NDRG4: variants seen among roughly 807,000 people sequenced by gnomAD.
NDRG4 encodes the protein NDRG family member 4.
Under a neutral mutation model 55.8 loss-of-function variants are expected in NDRG4, and 38 were observed. The ratio of observed to expected loss-of-function variants is 0.68; its 90% CI spans 0.53 to 0.89. The LOEUF (loss-of-function observed/expected upper bound fraction) is 0.89, where lower values mean the gene tolerates loss of function less well. Among genes scored for constraint, NDRG4 ranks in the 40% least tolerant of loss-of-function variants. NDRG4 has a pLI of 0.00. For synonymous variants in NDRG4, 190 were observed against 182.7 expected, an observed-to-expected ratio of 1.04 and a Z score of -0.32; for missense variants, 455 against 468.6, an observed-to-expected ratio of 0.97 and a Z score of 0.27.
At chr16:58,507,750 C>G in intron 8 of NDRG4, 58 bp from the exon 9 acceptor site, 1 of 1,534,020 alleles carries the variant, frequency 6.5e-7, no homozygotes, top group South Asian at 1.1e-5. Context: ...GCTTGGGATG[C>G]CCCTCATCCT....
At chr16:58,509,038 A>G in intron 11 of NDRG4, 29 bp downstream of exon 11, 1 of 1,614,094 alleles carries the variant, frequency 6.2e-7, no homozygotes, top group South Asian at 1.1e-5. Flanking sequence ...GCCCTGGGCC[A>G]GCTTCCCTAG....
chr16:58,471,980 A>G (rs1321004494), intron 1 of NDRG4, among the ~76,000 whole-genome samples: 2 of 152,030 alleles, frequency 1.3e-5, no homozygotes, highest in South Asian at 2.1e-4. Flanking sequence ...GTGCACCCCA[A>G]ATTGTTTCCT....
intron 1 of NDRG4, among the ~76,000 whole-genome samples, chr16:58,477,772 AG>A (rs1443397599): frequency 1.9e-5 from 2 of 107,040 alleles, no homozygotes; most frequent in Non-Finnish European, 3.7e-5. Flanking sequence ...AGCAGGGGTA[AG>A]GGGGGTGGAG....
At chr16:58,467,846 G>A (rs924937790) in intron 1 of NDRG4, among the ~76,000 whole-genome samples, 11 of 152,336 alleles carry the variant, frequency 7.2e-5, no homozygotes, top group Non-Finnish European at 5.9e-5. Flanking sequence ...GATGACAGTC[G>A]TGGAGCTGGC....
chr16:58,471,970 G>C (rs757341346), intron 1 of NDRG4, among the ~76,000 whole-genome samples: 1 of 152,116 alleles, frequency 6.6e-6, no homozygotes, highest in African/African-American at 2.4e-5. Flanking sequence ...ATCATACCCT[G>C]TGCACCCCAA....
rs1470474800 is a variant in NDRG4, at chr16:58,513,166, A to ATGTGTGTGTGTGTGTG, written c.*1591_*1592insGTGTGTGTGTGTGTGT. The ATGTGTGTGTGTGTGTG allele has an allele frequency of 4.2e-5, 2 of 47,282 alleles. No homozygotes were observed. The highest frequency in any genetic ancestry group is 2.0e-3 in the East Asian group (2 of 1,000). 2.9% of individuals were successfully genotyped at this position (47,282 alleles called of 1,614,324 possible). A position where few individuals can be genotyped will look rare whatever the true frequency, so the allele number is the denominator to read the frequency against. ...ATGTATCTATAAATATCTATACATT[A>ATGTGTGTGTGTGTGTG]TATGTGTGTGTGTGTGTGTGTGTGT... On this transcript the variant is annotated 3_prime_UTR_variant, in exon 15 of 15. Coordinates refer to ENST00000570248, the MANE Select transcript of NDRG4 (RefSeq NM_001242835.2).
Position 58,504,368 on chromosome 16 carries a change from C to A in NDRG4, c.258C>A (p.Phe86Leu), listed in dbSNP as rs768982466. The A allele has an allele frequency of 2.5e-6, 4 of 1,613,488 alleles. No individual in the cohort carries two copies. The highest frequency in any genetic ancestry group is 1.6e-4 in the Middle Eastern group (1 of 6,062). Reference protein sequence around the residue: ...GASQFPQGYQFPSMEQLAAML... With the variant: ...GASQFPQGYQLPSMEQLAAML... ...CCTGCTCTGCCTGCAGGTACCAGTT[C>A]CCCTCCATGGAGCAGCTGGCTGCCA... The change falls in exon 4 of 15, where the codon TTC (phenylalanine) becomes TTA (leucine). Residue 86 changes from phenylalanine to leucine, a missense_variant. By Grantham distance (22) the Phe-to-Leu change is conservative. Coordinates refer to ENST00000570248, the MANE Select transcript of NDRG4 (RefSeq NM_001242835.2).
intron 1 of NDRG4, among the ~76,000 whole-genome samples, chr16:58,478,133 G>A (rs1327715632): frequency 6.6e-6 from 1 of 152,214 alleles, no homozygotes; most frequent in Non-Finnish European, 1.5e-5. Context: ...GCTCACGCCT[G>A]TAATCCCAGC....
intron 1 of NDRG4, among the ~76,000 whole-genome samples, chr16:58,480,144 G>A (rs541525252): frequency 3.9e-5 from 6 of 152,182 alleles, no homozygotes; most frequent in African/African-American, 1.4e-4. Flanking sequence ...TTTTTGAGAC[G>A]GAGTCTTGCT....
chr16:58,510,874 A>G (rs1189801814), intron 14 of NDRG4, 191 bp downstream of exon 14: 2 of 624,048 alleles, frequency 3.2e-6, no homozygotes, highest in Non-Finnish European at 5.7e-6. Context: ...GCTGGGTTGC[A>G]GAGCAGTCTT....
rs181792013 is a variant in NDRG4 at position 58,485,724 on chromosome 16, G to A, written c.-23-2032G>A. Among the ~76,000 whole-genome samples, 381 of 152,196 alleles carry A rather than the reference G, an allele frequency of 2.5e-3. 2 individuals are homozygous for A. Among genetic ancestry groups the A allele is most frequent in the African/African-American group, 6.4e-3 (264 of 41,500 alleles). On this transcript the variant is annotated intron_variant, in intron 1 of 15. Coordinates refer to the NDRG4 transcript ENST00000258187. ...CTGCATTGTGTTAGCTGGTTTCCTCGGAAACCACTGGGAGCCGGGACTCCA... is the reference window on the plus strand; with the variant it reads ...CTGCATTGTGTTAGCTGGTTTCCTCAGAAACCACTGGGAGCCGGGACTCCA...
Position 58,511,551 on chromosome 16 carries a change from A to G in NDRG4, c.1034A>G (p.Asn345Ser), listed in dbSNP as rs749812054. ...SESSEGLGQV[N>S]HTMEVSC ...AGCAGCGAGGGGCTGGGCCAGGTCA[A>G]CCACACCATGGAGGTGTCCTGTTGA... Residue 345 changes from asparagine (N) to serine (S), a missense_variant, in exon 15 of 15, where the codon AAC becomes AGC. Coordinates refer to ENST00000570248, the MANE Select transcript of NDRG4 (RefSeq NM_001242835.2). 5.0e-6 allele frequency: 8 copies of G among 1,613,030 alleles called. No homozygotes were observed. Among genetic ancestry groups the G allele is most frequent in the Non-Finnish European group, 6.8e-6 (8 of 1,179,954 alleles).
Position 58,489,816 on chromosome 16 carries a change from T to G in NDRG4, c.72+1966T>G, listed in dbSNP as rs140167350. 2.7e-3 allele frequency among the ~76,000 whole-genome samples: 410 copies of G among 152,060 alleles called. 1 individual carries two copies. Among genetic ancestry groups the G allele is most frequent in the African/African-American group, 9.3e-3 (385 of 41,444 alleles). On this transcript the variant is annotated intron_variant, in intron 2 of 15. Coordinates refer to the NDRG4 transcript ENST00000258187. ...CTACTCCCCACTCCTGCCTGTGTCT[T>G]TCTTTCTGTCTTTTCCTTCTTTCTT... is the stretch of plus-strand genomic sequence containing the variant.
At chr16:58,497,386 C>G (rs2036531130), upstream of NDRG4, among the ~76,000 whole-genome samples, 1 of 152,150 alleles carries the variant, frequency 6.6e-6, no homozygotes, top group Admixed American at 6.5e-5. Context: ...TCCAAGAAAG[C>G]CTGGCACATG....
At chr16:58,509,055 C>A (rs1366220104) in intron 11 of NDRG4, 46 bp downstream of exon 11, 38 of 1,613,916 alleles carry the variant, frequency 2.4e-5, no homozygotes, top group Non-Finnish European at 3.1e-5. Flanking sequence ...CTAGCATGGG[C>A]CCAACCTCAG....
intron 2 of NDRG4, among the ~76,000 whole-genome samples, chr16:58,490,043 T>C (rs1315756018): frequency 6.6e-6 from 1 of 152,146 alleles, no homozygotes. Flanking sequence ...AGTCTTGCTC[T>C]GTTGCCCAGA....
chr16:58,474,061 G>T (rs56158001), intron 1 of NDRG4, among the ~76,000 whole-genome samples: 1 of 109,110 alleles, frequency 9.2e-6, no homozygotes, highest in Non-Finnish European at 1.7e-5. Flanking sequence ...TTTTGAGAGA[G>T]AATCTCTCTC....
Position 58,504,153 on chromosome 16 carries a change from G to C in NDRG4, c.128-1G>C. The stretch of plus-strand genomic sequence containing the variant: ...GCCATAGTGGAAGTGTGTCTTTGCA[G>C]ACAAACTATGCTTCAACACCTTCTT... On this transcript the variant is annotated splice_acceptor_variant, in intron 2 of 14. Coordinates refer to ENST00000570248, the MANE Select transcript of NDRG4 (RefSeq NM_001242835.2). LOFTEE classifies it high-confidence loss of function. The C allele has an allele frequency of 6.2e-7, 1 of 1,614,148 alleles. No individual in the cohort carries two copies. The highest frequency in any genetic ancestry group is 8.5e-7 in the Non-Finnish European group (1 of 1,180,038).
In NDRG4 at chr16:58,512,354, G is replaced by A; in HGVS notation, c.*778G>A. On this transcript the variant is annotated 3_prime_UTR_variant, in exon 15 of 15. Transcript: ENST00000570248. ...CTGACTGGGGGTGAGGGAGAAGGAGGAGAGAGCCCATGTGTGGTGTGTGTG... is the reference window on the plus strand; with the variant it reads ...CTGACTGGGGGTGAGGGAGAAGGAGAAGAGAGCCCATGTGTGGTGTGTGTG... 3.1e-6 allele frequency: 1 copy of A among 326,072 alleles called. No homozygotes were observed. Among genetic ancestry groups the A allele is most frequent in the South Asian group, 2.2e-5 (1 of 44,854 alleles). 20.2% of individuals were successfully genotyped at this position (326,072 alleles called of 1,614,324 possible).
Sources: allele counts gnomAD v4.1 joint callset (sites outside exome capture counted in the v4.1 genomes callset), GRCh38; gene constraint gnomAD v4.1.1; transcripts MANE v1.5; gene names NCBI Gene and HGNC (gene_info 2026-07-23, HGNC 2026-07-21).